Variants in TRPS1 observed in about 807,000 individuals in gnomAD.
TRPS1 encodes the protein zinc finger transcription factor Trps1.
A neutral mutation model predicts 101.2 loss-of-function variants in TRPS1; 6 were observed. That is an observed-to-expected ratio of 0.06 (90% CI 0.03 to 0.12). The LOEUF (loss-of-function observed/expected upper bound fraction) is 0.12, where lower values mean the gene tolerates loss of function less well. TRPS1 is among the 10% of genes least tolerant of loss of function. The pLI, the probability that TRPS1 is intolerant of heterozygous loss-of-function variation, is 1.00. For missense variants in TRPS1, 1,363 were observed against 1,567.0 expected (o/e 0.87, Z 2.20); for synonymous variants, 578 against 589.8 (o/e 0.98, Z 0.29).
In TRPS1 at chr8:115,411,396, T is replaced by C. The variant is rs1586246393; in HGVS notation, c.*2627A>G. ...ATGAGTAGTTTTGCCCAAAAAGTAA[T>C]ACTTGTCATATTGCCCAAGTTAACC... is the stretch of plus-strand genomic sequence containing the variant. On this transcript the variant is annotated 3_prime_UTR_variant, in exon 7 of 7. Coordinates refer to ENST00000395715, the MANE Select transcript of TRPS1 (RefSeq NM_014112.5). 6.6e-6 allele frequency: 1 copy of C among 152,470 alleles called. No individual in the cohort carries two copies. 9.4% of individuals were successfully genotyped at this position (152,470 alleles called of 1,614,324 possible).
At chr8:115,652,591 A>G (rs755995715) in intron 1 of TRPS1, among the ~76,000 whole-genome samples, 2 of 152,204 alleles carry the variant, frequency 1.3e-5, no homozygotes, top group Non-Finnish European at 1.5e-5. Flanking sequence ...GCCATATTCA[A>G]TATTTGTTGT....
intron 1 of TRPS1, among the ~76,000 whole-genome samples, chr8:115,633,579 A>G (rs1818698563): frequency 6.6e-6 from 1 of 152,198 alleles, no homozygotes; most frequent in African/African-American, 2.4e-5. Flanking sequence ...AAAGCCTGAT[A>G]GTTATTTAGT....
chr8:115,499,561 T>C (rs754527228), intron 5 of TRPS1, among the ~76,000 whole-genome samples: 4 of 152,190 alleles, frequency 2.6e-5, no homozygotes, highest in African/African-American at 4.8e-5. Flanking sequence ...GATCAGATTT[T>C]ACCTCTAAAC....
chr8:115,667,788 A>G, intron 1 of TRPS1: 1 of 1,498,974 alleles, frequency 6.7e-7, no homozygotes, highest in Non-Finnish European at 8.9e-7. Context: ...AGCCAAAGGC[A>G]GTCCTGTGCT....
chr8:115,484,485 G>C (rs1395946258), intron 5 of TRPS1, among the ~76,000 whole-genome samples: 1 of 152,112 alleles, frequency 6.6e-6, no homozygotes, highest in African/African-American at 2.4e-5. Context: ...CATCCTTCAA[G>C]AGGCAAATAA....
Position 115,538,894 on chromosome 8 carries a change from C to T in TRPS1, c.2700+48107G>A, listed in dbSNP as rs923138270. ...AACTCAGTTCTTCTAAATCTAAAGT[C>T]GTACTTTTTAAAACAACCTCTCCAA... On this transcript the variant is annotated intron_variant, in intron 5 of 6. Coordinates refer to ENST00000395715, the MANE Select transcript of TRPS1 (RefSeq NM_014112.5). 2.0e-5 allele frequency among the ~76,000 whole-genome samples: 3 copies of T among 152,112 alleles called. No homozygotes were observed. In the East Asian group the frequency reaches 5.8e-4, roughly 29 times the overall value.
At chr8:115,590,003 G>C (rs1053027400) in intron 4 of TRPS1, among the ~76,000 whole-genome samples, 3 of 152,104 alleles carry the variant, frequency 2.0e-5, no homozygotes, top group Admixed American at 2.0e-4. Context: ...TGTAATCCCA[G>C]TTACTCGGGA....
chr8:115,644,945 T>G (rs1390225620), intron 1 of TRPS1, among the ~76,000 whole-genome samples: 2 of 152,086 alleles, frequency 1.3e-5, no homozygotes, highest in Non-Finnish European at 2.9e-5. Flanking sequence ...CTTACGTGGG[T>G]ACCATTCATG....
chr8:115,447,793 T>G (rs1813774149), intron 5 of TRPS1, among the ~76,000 whole-genome samples: 1 of 152,124 alleles, frequency 6.6e-6, no homozygotes, highest in Admixed American at 6.6e-5. Context: ...AACCCAAAAC[T>G]TATGTTCAGT....
intron 5 of TRPS1, among the ~76,000 whole-genome samples, chr8:115,473,954 T>C (rs1282436579): frequency 1.3e-5 from 2 of 152,200 alleles, no homozygotes; most frequent in South Asian, 2.1e-4. Flanking sequence ...TTTTCGGCAC[T>C]AGAATCAAGT....
chr8:115,638,609 C>T (rs1400091876), intron 1 of TRPS1, among the ~76,000 whole-genome samples: 1 of 152,078 alleles, frequency 6.6e-6, no homozygotes, highest in Non-Finnish European at 1.5e-5. Context: ...CAAAGTTGGA[C>T]AGGATACAGA....
At chr8:115,579,414 C>CT (rs969075344) in intron 5 of TRPS1, among the ~76,000 whole-genome samples, 1 of 151,960 alleles carries the variant, frequency 6.6e-6, no homozygotes, top group Non-Finnish European at 1.5e-5. Context: ...TCTACCAAGA[C>CT]TTTTTTTATG....
In TRPS1 at chr8:115,478,102, T is replaced by C. The variant is rs986791757; in HGVS notation, c.2701-59650A>G. ...CCTGATAGATTTCTGGCAAACAAAG[T>C]ATGCTGATTTAAAATTCTGATCTAT... On this transcript the variant is annotated intron_variant, in intron 5 of 6. Coordinates refer to ENST00000395715, the MANE Select transcript of TRPS1 (RefSeq NM_014112.5). Among the ~76,000 whole-genome samples, 4 of 152,158 alleles carry C rather than the reference T, an allele frequency of 2.6e-5. No homozygotes were observed. The South Asian group carries it at 8.3e-4, about 32-fold the overall frequency.
intron 5 of TRPS1, among the ~76,000 whole-genome samples, chr8:115,436,220 G>C (rs1017494017): frequency 4.6e-5 from 7 of 152,112 alleles, no homozygotes; most frequent in African/African-American, 1.7e-4. Flanking sequence ...GAAAAACTCT[G>C]ACTTTAGGCA....
intron 5 of TRPS1, among the ~76,000 whole-genome samples, chr8:115,426,108 T>C (rs1813180321): frequency 6.6e-6 from 1 of 152,220 alleles, no homozygotes; most frequent in Admixed American, 6.5e-5. Context: ...GTTTTCACCC[T>C]TCCTTCAGCT....
Position 115,409,130 on chromosome 8 carries a change from G to A in TRPS1, c.*4893C>T, listed in dbSNP as rs1812723137. On this transcript the variant is annotated 3_prime_UTR_variant, in exon 7 of 7. Coordinates refer to ENST00000395715, the MANE Select transcript of TRPS1 (RefSeq NM_014112.5). ...GCCTTTCAACCAAGGATCTCAAAGT[G>A]CTTTACAAACAAGTACTACATTACC... 1 of 150,944 alleles carries A rather than the reference G, an allele frequency of 6.6e-6. No individual in the cohort carries two copies. The highest frequency in any genetic ancestry group is 1.5e-5 in the Non-Finnish European group (1 of 67,750). The allele number at this position is 150,944 out of a possible 1,614,324, so 9.4% of individuals were successfully genotyped here. A position where few individuals can be genotyped will look rare whatever the true frequency, so the allele number is the denominator to read the frequency against.
intron 5 of TRPS1, among the ~76,000 whole-genome samples, chr8:115,491,622 A>AAAAGAAAGG (rs1168892376): frequency 3.9e-5 from 6 of 152,072 alleles, no homozygotes; most frequent in Non-Finnish European, 7.4e-5. Flanking sequence ...GACCTGGTAG[A>AAAAGAAAGG]AAAGAAAGGA....
intron 5 of TRPS1, among the ~76,000 whole-genome samples, chr8:115,536,287 G>A (rs1011205674): frequency 6.6e-6 from 1 of 152,184 alleles, no homozygotes; most frequent in African/African-American, 2.4e-5. Flanking sequence ...TTGGGAGGCC[G>A]AGGCGGGCGG....
At chr8:115,649,869 C>A (rs948643546) in intron 1 of TRPS1, among the ~76,000 whole-genome samples, 1 of 152,174 alleles carries the variant, frequency 6.6e-6, no homozygotes, top group Non-Finnish European at 1.5e-5. Context: ...GGAAACTAGC[C>A]CAGCACACAT....
Sources: gnomAD v4.1 joint callset for allele counts (sites outside exome capture counted in the v4.1 genomes callset) on GRCh38, gnomAD v4.1.1 for gene constraint, MANE v1.5 for transcripts, NCBI Gene and HGNC (gene_info 2026-07-23, HGNC 2026-07-21) for gene names.